IMMP2L: variants seen among roughly 807,000 people sequenced by gnomAD.
IMMP2L encodes the protein inner mitochondrial membrane peptidase subunit 2.
Under a neutral mutation model 19.3 loss-of-function variants are expected in IMMP2L, and 18 were observed. That is an observed-to-expected ratio of 0.93 (90% CI 0.64 to 1.38). The LOEUF is 1.38. IMMP2L is among the 40% of genes most tolerant of loss of function. The pLI, the probability that IMMP2L is intolerant of heterozygous loss-of-function variation, is 0.00. For missense variants in IMMP2L, 233 were observed against 218.2 expected, an observed-to-expected ratio of 1.07 and a Z score of -0.43; for synonymous variants, 76 against 73.0, an observed-to-expected ratio of 1.04 and a Z score of -0.21.
At chr7:111,254,976 TTTAA>T (rs1436873077) in intron 3 of IMMP2L, among the ~76,000 whole-genome samples, 1 of 152,114 alleles carries the variant, frequency 6.6e-6, no homozygotes, top group African/African-American at 2.4e-5. Flanking sequence ...CAGAAAAATG[TTTAA>T]TTATCCACGA....
intron 1 of IMMP2L, among the ~76,000 whole-genome samples, chr7:111,538,764 C>G (rs1848131813): frequency 1.4e-5 from 2 of 141,770 alleles, no homozygotes; most frequent in Admixed American, 7.2e-5. Flanking sequence ...GAGCTCTGAT[C>G]ACACCACTGC....
chr7:111,269,981 A>G (rs1182299282), intron 3 of IMMP2L, among the ~76,000 whole-genome samples: 1 of 151,824 alleles, frequency 6.6e-6, no homozygotes, highest in Non-Finnish European at 1.5e-5. Context: ...ACTCTTTGGT[A>G]CTGCATGTTA....
At chr7:111,426,781 C>G (rs1365761721) in intron 3 of IMMP2L, among the ~76,000 whole-genome samples, 1 of 151,118 alleles carries the variant, frequency 6.6e-6, no homozygotes, top group Non-Finnish European at 1.5e-5. Context: ...ATGTGGATAT[C>G]ACTGTCTATC....
In IMMP2L at chr7:111,213,570, C is replaced by T. The variant is rs1017429898; in HGVS notation, c.240-250005G>A. 1.3e-5 allele frequency among the ~76,000 whole-genome samples: 2 copies of T among 152,158 alleles called. No homozygotes were observed. Among genetic ancestry groups the T allele is most frequent in the Non-Finnish European group, 2.9e-5 (2 of 68,026 alleles). Reference sequence around the variant, plus strand: ...TGGTACCTTCCAGCCCTGCCTATGGCCACCCTTGGACAAACTGGTGCACAC... The same window carrying T: ...TGGTACCTTCCAGCCCTGCCTATGGTCACCCTTGGACAAACTGGTGCACAC... On this transcript the variant is annotated intron_variant, in intron 3 of 5. Coordinates refer to ENST00000405709, the MANE Select transcript of IMMP2L (RefSeq NM_032549.4). The surrounding 1 kb of genome is among the most constrained non-coding windows in gnomAD (Gnocchi z 4.8).
At chr7:111,540,460 C>T (rs1848413366) in intron 1 of IMMP2L, among the ~76,000 whole-genome samples, 1 of 152,316 alleles carries the variant, frequency 6.6e-6, no homozygotes, top group African/African-American at 2.4e-5. Context: ...AAAACCTTTA[C>T]AGCTGAACAC....
chr7:110,972,565 T>G (rs553947539), intron 3 of IMMP2L, among the ~76,000 whole-genome samples: 15 of 152,122 alleles, frequency 9.9e-5, no homozygotes, highest in African/African-American at 3.6e-4. Context: ...AAATATCTTT[T>G]GGAGAATGGA....
intron 3 of IMMP2L, among the ~76,000 whole-genome samples, chr7:111,353,232 T>C (rs1270084667): frequency 6.6e-6 from 1 of 152,146 alleles, no homozygotes; most frequent in Non-Finnish European, 1.5e-5. Context: ...AAATCTCCAA[T>C]GCTCAAATCT....
chr7:111,545,169 C>T (rs1165654486), intron 1 of IMMP2L, among the ~76,000 whole-genome samples: 2 of 152,076 alleles, frequency 1.3e-5, no homozygotes, highest in East Asian at 3.9e-4. Context: ...AGAGAAAGAA[C>T]AGGTTGGTCA....
At chr7:110,797,489 C>T (rs566713016) in intron 5 of IMMP2L, among the ~76,000 whole-genome samples, 3 of 152,078 alleles carry the variant, frequency 2.0e-5, no homozygotes, top group Non-Finnish European at 2.9e-5. Flanking sequence ...ACCAATTCAG[C>T]AGATAAAATT....
chr7:111,358,060 C>T (rs966858616), intron 3 of IMMP2L, among the ~76,000 whole-genome samples: 10 of 151,580 alleles, frequency 6.6e-5, no homozygotes, highest in African/African-American at 1.7e-4. Context: ...GGCTGTCAAC[C>T]ATTCACTTTT....
At chr7:111,395,438 T>A (rs1442465642) in intron 3 of IMMP2L, among the ~76,000 whole-genome samples, 1 of 152,218 alleles carries the variant, frequency 6.6e-6, no homozygotes, top group Non-Finnish European at 1.5e-5. Context: ...CTTTATACTG[T>A]ATTATAATCA....
At chr7:111,243,447 A>T (rs1169041992) in intron 3 of IMMP2L, among the ~76,000 whole-genome samples, 3 of 151,814 alleles carry the variant, frequency 2.0e-5, no homozygotes, top group Admixed American at 1.3e-4. Flanking sequence ...CATGTTTTAC[A>T]TATATAATTT....
chr7:111,422,404 G>A (rs1196976980), intron 3 of IMMP2L, among the ~76,000 whole-genome samples: 1 of 151,562 alleles, frequency 6.6e-6, no homozygotes, highest in Non-Finnish European at 1.5e-5. Context: ...TCATTGAGCA[G>A]TGGTTTGTAG....
chr7:110,934,852 A>C (rs1815901366), intron 4 of IMMP2L, among the ~76,000 whole-genome samples: 1 of 152,026 alleles, frequency 6.6e-6, no homozygotes, highest in South Asian at 2.1e-4. Context: ...TTGCTTGGTA[A>C]ATATTCCTCC....
At chr7:111,146,640 G>A (rs1322465068) in intron 3 of IMMP2L, among the ~76,000 whole-genome samples, 2 of 152,064 alleles carry the variant, frequency 1.3e-5, no homozygotes, top group East Asian at 1.9e-4. Flanking sequence ...TAAACTCCAC[G>A]AGGGCAAGAA....
intron 3 of IMMP2L, among the ~76,000 whole-genome samples, chr7:111,305,418 T>C (rs1829019290): frequency 6.6e-6 from 1 of 152,124 alleles, no homozygotes; most frequent in Non-Finnish European, 1.5e-5. Context: ...AACCTCCGCC[T>C]CCCAAGTTCA....
intron 3 of IMMP2L, among the ~76,000 whole-genome samples, chr7:111,249,816 G>A (rs914877993): frequency 6.6e-6 from 1 of 152,102 alleles, no homozygotes; most frequent in African/African-American, 2.4e-5. Flanking sequence ...TACTGAATGG[G>A]CAAAAGTTAG....
chr7:110,791,609 G>A (rs1800465046), intron 5 of IMMP2L, among the ~76,000 whole-genome samples: 1 of 151,642 alleles, frequency 6.6e-6, no homozygotes, highest in African/African-American at 2.4e-5. Context: ...ACTGTGTGAT[G>A]GATAAATAAA....
In IMMP2L at chr7:111,016,930, CTAA is replaced by C. The variant is rs558597982; in HGVS notation, c.240-53368_240-53366del. The stretch of plus-strand genomic sequence containing the variant: ...ATAATTATATATATATTTATATATA[CTAA>C]TATATATTACATATATGATATATAA... On this transcript the variant is annotated intron_variant, in intron 3 of 5. Transcript: ENST00000405709. Among the ~76,000 whole-genome samples, 363 of 97,314 alleles carry C rather than the reference CTAA, an allele frequency of 3.7e-3. 1 individual carries two copies. Among genetic ancestry groups the C allele is most frequent in the African/African-American group, 0.015 (349 of 23,962 alleles). 63.8% of individuals were successfully genotyped at this position (97,314 alleles called of 152,430 possible).
Sources: gnomAD v4.1 joint callset for allele counts (sites outside exome capture counted in the v4.1 genomes callset) on GRCh38, gnomAD v4.1.1 for gene constraint, Gnocchi (gnomAD v3.1) non-coding constraint, MANE v1.5 for transcripts, NCBI Gene and HGNC (gene_info 2026-07-23, HGNC 2026-07-21) for gene names.